Variants in TTC7B observed in about 807,000 individuals in gnomAD.
TTC7B encodes the protein tetratricopeptide repeat domain 7B, also known as tetratricopeptide repeat protein 7B.
Under a neutral mutation model 106.8 loss-of-function variants are expected in TTC7B, and 28 were observed. That is an observed-to-expected ratio of 0.26 (90% CI 0.19 to 0.36). The LOEUF (loss-of-function observed/expected upper bound fraction) is 0.36. Among genes scored for constraint, TTC7B ranks in the 10% least tolerant of loss-of-function variants. The pLI, the probability that TTC7B is intolerant of heterozygous loss-of-function variation, is 1.00. For synonymous variants in TTC7B, 405 were observed against 430.6 expected (o/e 0.94, Z 0.74); for missense variants, 862 against 1,076.4 (o/e 0.80, Z 2.79).
intron 9 of TTC7B, among the ~76,000 whole-genome samples, chr14:90,673,433 A>G (rs889929078): frequency 2.6e-4 from 39 of 152,210 alleles, no homozygotes; most frequent in Non-Finnish European, 3.2e-4. Context: ...AAACAAAAAG[A>G]GAAAAAAGAA....
intron 1 of TTC7B, among the ~76,000 whole-genome samples, chr14:90,798,432 A>G (rs1288440076): frequency 2.0e-5 from 3 of 152,220 alleles, no homozygotes; most frequent in African/African-American, 7.2e-5. Context: ...TATAGTCACT[A>G]TTGTGTGTAA....
chr14:90,763,298 A>G (rs9944014), intron 3 of TTC7B, among the ~76,000 whole-genome samples: 1,697 of 152,334 alleles, frequency 0.011, 33 homozygotes, highest in African/African-American at 0.039. Context: ...CGAACAATGC[A>G]ATAAAAAAAT....
rs1370913594 is a variant in TTC7B at position 90,570,854 on chromosome 14, G to A, written c.2310+7252C>T. On this transcript the variant is annotated intron_variant, in intron 19 of 19. Transcript: ENST00000328459. The surrounding 1 kb of genome is among the most constrained non-coding windows in gnomAD (Gnocchi z 4.0). ...CTGTTATTACTCCCATTTCACTGTC[G>A]AGAAAAATGGAAGCACAGAGAGATG... Among the ~76,000 whole-genome samples, 1 of 152,134 alleles carries A rather than the reference G, an allele frequency of 6.6e-6. No homozygotes were observed. The highest frequency in any genetic ancestry group is 1.5e-5 in the Non-Finnish European group (1 of 68,018).
intron 5 of TTC7B, among the ~76,000 whole-genome samples, chr14:90,705,233 T>C (rs1888157621): frequency 6.6e-6 from 1 of 152,170 alleles, no homozygotes. Context: ...AAGGTCACAG[T>C]CACTGCCCAG....
intron 19 of TTC7B, among the ~76,000 whole-genome samples, chr14:90,545,306 C>T (rs931692994): frequency 1.3e-5 from 2 of 152,254 alleles, no homozygotes; most frequent in African/African-American, 4.8e-5. Context: ...ATCCAAGCAA[C>T]AGGAAAGGGG....
chr14:90,542,523 C>T (rs1370134318), intron 19 of TTC7B, among the ~76,000 whole-genome samples: 1 of 152,210 alleles, frequency 6.6e-6, no homozygotes, highest in African/African-American at 2.4e-5. Flanking sequence ...CTCAACCTCT[C>T]CCTCGGGGGA....
rs115572552 is a variant in TTC7B at position 90,705,135 on chromosome 14, G to C, written c.699-9557C>G. ...CAAGAAAGTCCCCACAAGAGACTGG[G>C]CTTCTTCAGGACAGAGACTGGGTCC... On this transcript the variant is annotated intron_variant, in intron 5 of 19. Coordinates refer to ENST00000328459, the MANE Select transcript of TTC7B (RefSeq NM_001010854.2). Among the ~76,000 whole-genome samples the C allele has an allele frequency of 7.6e-3, 1,160 of 152,258 alleles. 8 individuals carry two copies. The highest frequency in any genetic ancestry group is 0.026 in the African/African-American group (1,094 of 41,556).
chr14:90,655,035 A>T lies in TTC7B; in HGVS notation c.1417T>A (p.Tyr473Asn), dbSNP rs1885888467. 1 of 1,614,236 alleles carries T rather than the reference A, an allele frequency of 6.2e-7. No homozygotes were observed. The highest frequency in any genetic ancestry group is 8.5e-7 in the Non-Finnish European group (1 of 1,180,026). ...CTGTACGTGAGCCCCAGAGCTAAGTAGCCTTTGGCCTTGAACTCTGACGTT... is the reference window on the plus strand; with the variant it reads ...CTGTACGTGAGCCCCAGAGCTAAGTTGCCTTTGGCCTTGAACTCTGACGTT... ...EKTSEFKAKG[Y>N]LALGLTYSLQ... The change falls in exon 12 of 20, where the codon TAC becomes AAC. Residue 473 changes from tyrosine (Y) to asparagine (N), a missense_variant. Physicochemically the swap from Tyr to Asn is moderately radical, Grantham distance 143. Transcript: ENST00000328459.
chr14:90,759,814 G>A lies in TTC7B; in HGVS notation c.446-14892C>T, dbSNP rs1890439544. Among the ~76,000 whole-genome samples the A allele has an allele frequency of 6.6e-6, 1 of 152,214 alleles. No individual in the cohort carries two copies. Among genetic ancestry groups the A allele is most frequent in the Admixed American group, 6.5e-5 (1 of 15,286 alleles). ...TCAGCTAGAGTTTATCTTCAATAGT[G>A]TGCCCCTGGATGCCAGGGCAAAATG... On this transcript the variant is annotated intron_variant, in intron 3 of 19. Coordinates refer to ENST00000328459, the MANE Select transcript of TTC7B (RefSeq NM_001010854.2). This position sits in a 1 kb window ranked among gnomAD's most constrained non-coding sequence, Gnocchi z 4.1.
At chr14:90,543,119 T>G (rs560519654) in intron 19 of TTC7B, among the ~76,000 whole-genome samples, 1 of 152,356 alleles carries the variant, frequency 6.6e-6, no homozygotes, top group South Asian at 2.1e-4. Flanking sequence ...TTCATAAGAT[T>G]GCTATTCATC....
intron 3 of TTC7B, among the ~76,000 whole-genome samples, chr14:90,755,024 T>C (rs1890244724): frequency 6.6e-6 from 1 of 152,248 alleles, no homozygotes. Flanking sequence ...CCATGCCCTC[T>C]GTCTAACTCA....
At chr14:90,723,226 TC>T (rs972014037) in intron 5 of TTC7B, among the ~76,000 whole-genome samples, 8 of 152,124 alleles carry the variant, frequency 5.3e-5, no homozygotes, top group African/African-American at 1.9e-4. Context: ...TTACCCTCTG[TC>T]CCCCAAATCC....
intron 4 of TTC7B, among the ~76,000 whole-genome samples, chr14:90,731,172 C>T (rs1369782741): frequency 1.3e-5 from 2 of 152,042 alleles, no homozygotes; most frequent in Non-Finnish European, 2.9e-5. Context: ...AGGATGGTCT[C>T]GATCTCCTGA....
At chr14:90,595,529 T>C (rs1036210708) in intron 17 of TTC7B, among the ~76,000 whole-genome samples, 6 of 152,192 alleles carry the variant, frequency 3.9e-5, no homozygotes, top group Non-Finnish European at 7.3e-5. Flanking sequence ...ACCTTTTTTA[T>C]GGAAAGTAAT....
At chr14:90,618,101 T>C in intron 15 of TTC7B, 56 bp from the exon 16 acceptor site, 1 of 1,336,870 alleles carries the variant, frequency 7.5e-7, no homozygotes, top group East Asian at 2.3e-5. Context: ...AGAGTCCCCA[T>C]CCCAGCAAGA....
chr14:90,786,237 G>T lies in TTC7B; in HGVS notation c.213C>A (p.Pro71=), dbSNP rs199923518. The T allele has an allele frequency of 4.4e-6, 7 of 1,608,830 alleles. No homozygotes were observed. Among genetic ancestry groups the T allele is most frequent in the East Asian group, 2.2e-5 (1 of 44,660 alleles). The change falls in exon 2 of 20, where the codon CCC becomes CCA. Residue 71 remains proline, a synonymous_variant. Coordinates refer to ENST00000328459, the MANE Select transcript of TTC7B (RefSeq NM_001010854.2). ...TGCGGACCTCAGTCAGCTGGGGCTT[G>T]GGGCCTCGGGGACTGGCCCCCTGCC... is the stretch of plus-strand genomic sequence containing the variant. ...PLRQGASPRG[P]KPQLTEVRKH...
intron 9 of TTC7B, among the ~76,000 whole-genome samples, chr14:90,666,584 A>C (rs961666693): frequency 6.6e-6 from 1 of 152,200 alleles, no homozygotes; most frequent in Non-Finnish European, 1.5e-5. Flanking sequence ...CTACAAATAA[A>C]AGTCCCCCTC....
chr14:90,682,856 G>A (rs1256530095), intron 7 of TTC7B, among the ~76,000 whole-genome samples: 1 of 152,208 alleles, frequency 6.6e-6, no homozygotes, highest in Admixed American at 6.5e-5. Context: ...TCCCAGCCAT[G>A]CCACCAACTC....
chr14:90,650,303 A>T (rs2139890750), intron 13 of TTC7B, among the ~76,000 whole-genome samples: 1 of 152,336 alleles, frequency 6.6e-6, no homozygotes, highest in East Asian at 1.9e-4. Context: ...TCCTGATTAC[A>T]GGGGCCATGG....
Sources: gnomAD v4.1 joint callset for allele counts (sites outside exome capture counted in the v4.1 genomes callset) on GRCh38, gnomAD v4.1.1 for gene constraint, Gnocchi (gnomAD v3.1) non-coding constraint, MANE v1.5 for transcripts, NCBI Gene and HGNC (gene_info 2026-07-23, HGNC 2026-07-21) for gene names.